TRPC4AP: variants seen among roughly 807,000 people sequenced by gnomAD.
TRPC4AP encodes the protein short transient receptor potential channel 4-associated protein.
A neutral mutation model predicts 99.0 loss-of-function variants in TRPC4AP; 45 were observed. The ratio of observed to expected loss-of-function variants is 0.45; its 90% CI spans 0.36 to 0.58. TRPC4AP has a LOEUF of 0.58. Ranked by LOEUF, TRPC4AP falls within the 20% of genes least tolerant of loss-of-function variation. TRPC4AP has a pLI of 0.00. For synonymous variants in TRPC4AP, 408 were observed against 385.8 expected (o/e 1.06, Z -0.67); for missense variants, 879 against 985.3 (o/e 0.89, Z 1.44).
intron 11 of TRPC4AP, 41 bp downstream of exon 11, chr20:35,012,967 C>G (rs757508442): frequency 1.2e-6 from 2 of 1,607,628 alleles, no homozygotes; most frequent in African/African-American, 2.7e-5. Flanking sequence ...CTTCCGAAGA[C>G]AGCCCAACAA....
At chr20:35,047,932 C>T (rs1201096143) in intron 6 of TRPC4AP, among the ~76,000 whole-genome samples, 2 of 151,988 alleles carry the variant, frequency 1.3e-5, no homozygotes, top group Admixed American at 1.3e-4. Context: ...AAGATATGTG[C>T]CTGTTCAACT....
At chr20:35,008,468 G>C (rs1025895270) in intron 13 of TRPC4AP, among the ~76,000 whole-genome samples, 196 bp downstream of exon 13, 6 of 152,196 alleles carry the variant, frequency 3.9e-5, no homozygotes, top group African/African-American at 1.4e-4. Flanking sequence ...CTCGGTCACT[G>C]TGGGCTGCAG....
chr20:35,004,613 A>T, intron 16 of TRPC4AP, 43 bp from the exon 17 acceptor site: 2 of 1,574,716 alleles, frequency 1.3e-6, no homozygotes, highest in Non-Finnish European at 1.7e-6. Flanking sequence ...GCTTAGGCCC[A>T]GTGGCTGGGT....
chr20:35,038,294 T>A (rs1030001767), intron 7 of TRPC4AP, among the ~76,000 whole-genome samples: 3 of 149,824 alleles, frequency 2.0e-5, no homozygotes, highest in Admixed American at 6.7e-5. Context: ...TTTTTTAACA[T>A]ATCAGCTTGG....
At chr20:35,010,983 G>A (rs180783524) in intron 11 of TRPC4AP, among the ~76,000 whole-genome samples, 162 of 152,270 alleles carry the variant, frequency 1.1e-3, no homozygotes, top group African/African-American at 3.6e-3. Flanking sequence ...TATTGAGGCC[G>A]GGCGCGGTGG....
rs761947802 is a variant in TRPC4AP at position 35,003,485 on chromosome 20, G to T, written c.2181C>A (p.Asn727Lys). The change falls in exon 18 of 19, where the codon AAC becomes AAA. Residue 727 changes from asparagine to lysine, a missense_variant. Physicochemically the swap from Asn to Lys is moderately conservative, Grantham distance 94. Around this residue, in one of 3 missense-constraint regions of TRPC4AP, gnomAD observed 224 missense variants for 264.7 expected, o/e 0.85. Transcript: ENST00000252015. ...HSKKYPGFLL[N>K]NFHNLLRFWQ... ...AGAAGCGCAGCAGGTTGTGGAAGTT[G>T]TTGAGCAGGAAGCCGGGGTACTTCT... 2 of 1,614,144 alleles carry T rather than the reference G, an allele frequency of 1.2e-6. No homozygotes were observed. The highest frequency in any genetic ancestry group is 1.7e-6 in the Non-Finnish European group (2 of 1,180,036).
intron 10 of TRPC4AP, among the ~76,000 whole-genome samples, chr20:35,015,325 T>C (rs1428806928): frequency 1.3e-5 from 2 of 151,806 alleles, no homozygotes; most frequent in Admixed American, 1.3e-4. Context: ...TGGATGAAAA[T>C]TACAATAGGA....
chr20:35,054,865 C>T (rs1296038796), intron 5 of TRPC4AP, 111 bp downstream of exon 5: 1 of 924,374 alleles, frequency 1.1e-6, no homozygotes. Context: ...CCGATTCCCC[C>T]ACTGTCTGAA....
chr20:35,009,236 A>G (rs1489004691), intron 12 of TRPC4AP, among the ~76,000 whole-genome samples: 1 of 152,234 alleles, frequency 6.6e-6, no homozygotes. Flanking sequence ...GGGGGAAGGA[A>G]GACGGCCAGG....
chr20:35,083,057 G>A (rs940938401), intron 1 of TRPC4AP, among the ~76,000 whole-genome samples: 1 of 152,012 alleles, frequency 6.6e-6, no homozygotes, highest in African/African-American at 2.4e-5. Context: ...GTAAGGGTAA[G>A]ATAAAAGATT....
intron 16 of TRPC4AP, 117 bp from the exon 17 acceptor site, chr20:35,004,687 A>G (rs944932174): frequency 8.3e-5 from 64 of 771,394 alleles, no homozygotes; most frequent in Non-Finnish European, 1.3e-4. Flanking sequence ...TCATCATCAA[A>G]ACAGCTTCAA....
At chr20:35,069,700 G>C (rs1173502328) in intron 2 of TRPC4AP, among the ~76,000 whole-genome samples, 1 of 152,166 alleles carries the variant, frequency 6.6e-6, no homozygotes, top group Non-Finnish European at 1.5e-5. Flanking sequence ...CAGCACTTTG[G>C]GAGGCTAAGG....
chr20:35,025,139 T>A (rs2147308107), intron 8 of TRPC4AP, among the ~76,000 whole-genome samples: 1 of 152,252 alleles, frequency 6.6e-6, no homozygotes, highest in African/African-American at 2.4e-5. Context: ...CCAACCCTTA[T>A]TATCCACCTT....
intron 2 of TRPC4AP, among the ~76,000 whole-genome samples, chr20:35,077,196 C>T (rs2084503212): frequency 6.6e-6 from 1 of 152,178 alleles, no homozygotes; most frequent in African/African-American, 2.4e-5. Context: ...GGGAATTCCC[C>T]CACCCCTTGC....
At chr20:35,086,259 T>C (rs560180174) in intron 1 of TRPC4AP, among the ~76,000 whole-genome samples, 1 of 152,106 alleles carries the variant, frequency 6.6e-6, no homozygotes, top group South Asian at 2.1e-4. Flanking sequence ...GCACCCAGCC[T>C]AAATAGATAT....
At chr20:35,005,268 G>GA (rs1428677554) in intron 16 of TRPC4AP, among the ~76,000 whole-genome samples, 3 of 152,212 alleles carry the variant, frequency 2.0e-5, no homozygotes, top group African/African-American at 7.2e-5. Context: ...ACCCTCAGGA[G>GA]AATCTGCTGG....
At chr20:35,074,274 T>C (rs778236322) in intron 2 of TRPC4AP, among the ~76,000 whole-genome samples, 13 of 152,366 alleles carry the variant, frequency 8.5e-5, no homozygotes, top group South Asian at 8.3e-4. Flanking sequence ...TATCCTTCAG[T>C]ACTGCTCTGA....
intron 8 of TRPC4AP, among the ~76,000 whole-genome samples, chr20:35,028,040 T>A (rs2083071661): frequency 6.6e-6 from 1 of 152,196 alleles, no homozygotes; most frequent in Non-Finnish European, 1.5e-5. Flanking sequence ...TACTTCCTTT[T>A]CCTTTTGAGA....
intron 3 of TRPC4AP, among the ~76,000 whole-genome samples, chr20:35,059,354 A>C (rs1187201331): frequency 6.6e-6 from 1 of 152,170 alleles, no homozygotes; most frequent in Non-Finnish European, 1.5e-5. Flanking sequence ...CATAAAACTA[A>C]AAACTGACTT....
Sources: gnomAD v4.1 joint callset for allele counts (sites outside exome capture counted in the v4.1 genomes callset) on GRCh38, gnomAD v4.1.1 for gene constraint, gnomAD v4.1.1 regional missense constraint, MANE v1.5 for transcripts, NCBI Gene and HGNC (gene_info 2026-07-23, HGNC 2026-07-21) for gene names.